HTRA1: variants seen among roughly 807,000 people sequenced by gnomAD.
The protein encoded by HTRA1 is serine protease HTRA1.
In HTRA1, 26 loss-of-function variants were observed where a neutral mutation model predicts 49.7. That is an observed-to-expected ratio of 0.52 (90% CI 0.38 to 0.73). The LOEUF is 0.73. Ranked by LOEUF, HTRA1 falls within the 30% of genes least tolerant of loss-of-function variation. The probability of loss-of-function intolerance (pLI) is 0.00; values close to 1 mark genes in which losing one functional copy is unlikely to be tolerated. For synonymous variants in HTRA1, 291 were observed against 286.9 expected (o/e 1.01, Z -0.14); for missense variants, 561 against 667.2 (o/e 0.84, Z 1.75).
At position 122,494,535 on chromosome 10, in the gene HTRA1, T is replaced by C. The variant is rs962425490; in HGVS notation, c.777+4909T>C. On this transcript the variant is annotated intron_variant, in intron 3 of 8. Transcript: ENST00000368984. The surrounding 1 kb of genome is among the most constrained non-coding windows in gnomAD (Gnocchi z 4.0). ...GTAACGGAAAGCGCTGGTGAAACAG[T>C]GAGCTTTCCCGTGGGTGCTTTTCCC... 6.6e-6 allele frequency among the ~76,000 whole-genome samples: 1 copy of C among 152,194 alleles called. No homozygotes were observed. The highest frequency in any genetic ancestry group is 1.5e-5 in the Non-Finnish European group (1 of 68,040).
At chr10:122,462,269 G>T (rs534699507) in intron 1 of HTRA1, 145 bp downstream of exon 1, 3 of 749,452 alleles carry the variant, frequency 4.0e-6, no homozygotes, top group African/African-American at 1.8e-5. Flanking sequence ...GTGGGCCCCG[G>T]GGTGGCGGAT....
chr10:122,477,180 GA>G (rs1159279849), intron 1 of HTRA1, among the ~76,000 whole-genome samples: 1 of 151,934 alleles, frequency 6.6e-6, no homozygotes, highest in Admixed American at 6.6e-5. Context: ...TGTTAGCCAG[GA>G]CGGTCTCGAT....
intron 6 of HTRA1, among the ~76,000 whole-genome samples, chr10:122,509,174 G>T (rs1034777085): frequency 2.0e-5 from 3 of 152,190 alleles, no homozygotes; most frequent in African/African-American, 7.2e-5. Flanking sequence ...GTCAAGCAGG[G>T]AGCTTGGCAG....
At position 122,512,675 on chromosome 10, in the gene HTRA1, G is replaced by A. The variant is rs72834497; in HGVS notation, c.1274+610G>A. ...TATATGGAGCTGTGGGCTAAGAATA[G>A]TTTTTGCATTTTATTTTTATTTTTA... On this transcript the variant is annotated intron_variant, in intron 8 of 8. Coordinates refer to ENST00000368984, the MANE Select transcript of HTRA1 (RefSeq NM_002775.5). Among the ~76,000 whole-genome samples the A allele has an allele frequency of 3.9e-5, 6 of 152,274 alleles. No homozygotes were observed. In the South Asian group the frequency reaches 1.2e-3, roughly 32 times the overall value.
intron 3 of HTRA1, among the ~76,000 whole-genome samples, chr10:122,505,644 T>C (rs1444523632): frequency 6.6e-5 from 10 of 152,176 alleles, no homozygotes. Flanking sequence ...CCCACCCCAC[T>C]GGTCCCCTGG....
chr10:122,507,266 GC>G, intron 4 of HTRA1, 103 bp from the exon 5 acceptor site: 2 of 888,382 alleles, frequency 2.3e-6, no homozygotes, highest in East Asian at 2.4e-5. Context: ...GAAGAATCGT[GC>G]CCCCCACTCT....
In HTRA1 at chr10:122,490,808, G is replaced by A. The variant is rs536653049; in HGVS notation, c.777+1182G>A. On this transcript the variant is annotated intron_variant, in intron 3 of 8. Transcript: ENST00000368984. This position sits in a 1 kb window ranked among gnomAD's most constrained non-coding sequence, Gnocchi z 4.2. ...TGTGCTGTTTGGGTGGTAGGATTCC[G>A]GGTCTCCTTCTCCGTCTTTTTATAA... is the stretch of plus-strand genomic sequence containing the variant. Among the ~76,000 whole-genome samples, 6 of 152,280 alleles carry A rather than the reference G, an allele frequency of 3.9e-5. No homozygotes were observed. The South Asian group carries it at 1.2e-3, about 32-fold the overall frequency.
At chr10:122,499,900 C>A (rs1248224000) in intron 3 of HTRA1, among the ~76,000 whole-genome samples, 3 of 152,192 alleles carry the variant, frequency 2.0e-5, no homozygotes, top group Non-Finnish European at 4.4e-5. Context: ...GAAGTCCCAG[C>A]CTCCAGAAAT....
chr10:122,493,432 T>C (rs1455756233), intron 3 of HTRA1, among the ~76,000 whole-genome samples: 1 of 152,220 alleles, frequency 6.6e-6, no homozygotes, highest in Non-Finnish European at 1.5e-5. Flanking sequence ...CAAATGCGTT[T>C]AACATGAGCC....
intron 8 of HTRA1, 117 bp downstream of exon 8, chr10:122,512,182 G>C: frequency 4.9e-6 from 4 of 808,270 alleles, no homozygotes; most frequent in Non-Finnish European, 8.5e-6. Flanking sequence ...ATCCTTGACA[G>C]ACGTGGTCGG....
At chr10:122,474,919 G>A (rs1296043272) in intron 1 of HTRA1, among the ~76,000 whole-genome samples, 2 of 152,128 alleles carry the variant, frequency 1.3e-5, no homozygotes, top group Non-Finnish European at 2.9e-5. Context: ...TCTGAAAAGT[G>A]ATTTTCAATG....
intron 3 of HTRA1, among the ~76,000 whole-genome samples, chr10:122,492,149 A>G (rs1242906838): frequency 6.6e-6 from 1 of 152,024 alleles, no homozygotes; most frequent in African/African-American, 2.4e-5. Context: ...TCCTTGTCAT[A>G]TGAGACTGTG....
At position 122,487,762 on chromosome 10, in the gene HTRA1, C is replaced by T. The variant is rs189650769; in HGVS notation, c.473-1140C>T. 5.7e-4 allele frequency among the ~76,000 whole-genome samples: 87 copies of T among 152,248 alleles called. 2 individuals are homozygous for T. Among genetic ancestry groups the T allele is most frequent in the Admixed American group, 5.4e-3 (82 of 15,298 alleles). Reference sequence around the variant, plus strand: ...CAGAGCCTGTTGTTTCTAGGATGCACGCCCGTACAGTAGGTTACTGTACTG... The same window carrying T: ...CAGAGCCTGTTGTTTCTAGGATGCATGCCCGTACAGTAGGTTACTGTACTG... On this transcript the variant is annotated intron_variant, in intron 1 of 8. Coordinates refer to ENST00000368984, the MANE Select transcript of HTRA1 (RefSeq NM_002775.5). The surrounding 1 kb of genome is among the most constrained non-coding windows in gnomAD (Gnocchi z 4.8).
intron 1 of HTRA1, among the ~76,000 whole-genome samples, chr10:122,462,689 A>C (rs1336075939): frequency 3.3e-5 from 5 of 152,236 alleles, no homozygotes; most frequent in Admixed American, 1.3e-4. Flanking sequence ...TACCCCGAGC[A>C]GGGAACGGTT....
At position 122,467,069 on chromosome 10, in the gene HTRA1, T is replaced by C. The variant is rs140601738; in HGVS notation, c.472+4945T>C. On this transcript the variant is annotated intron_variant, in intron 1 of 8. Coordinates refer to ENST00000368984, the MANE Select transcript of HTRA1 (RefSeq NM_002775.5). The stretch of plus-strand genomic sequence containing the variant: ...ATGGTGGCGGGCACCATGAGCTAAC[T>C]GTGGTCAGAAGCCTGATGGCCTCCG... Among the ~76,000 whole-genome samples, 257 of 152,338 alleles carry C rather than the reference T, an allele frequency of 1.7e-3. 2 individuals are homozygous for C. Among genetic ancestry groups the C allele is most frequent in the African/African-American group, 6.0e-3 (249 of 41,582 alleles).
intron 8 of HTRA1, among the ~76,000 whole-genome samples, chr10:122,513,935 C>T (rs1427144438): frequency 2.7e-5 from 4 of 148,060 alleles, no homozygotes; most frequent in Non-Finnish European, 5.9e-5. Flanking sequence ...GACGGGGCTT[C>T]ACCATGTTGG....
In HTRA1 at chr10:122,464,768, C is replaced by T. The variant is rs2097483143; in HGVS notation, c.472+2644C>T. On this transcript the variant is annotated intron_variant, in intron 1 of 8. Coordinates refer to ENST00000368984, the MANE Select transcript of HTRA1 (RefSeq NM_002775.5). The surrounding 1 kb of genome is among the most constrained non-coding windows in gnomAD (Gnocchi z 4.8). ...CAACAGCTGGTGCCCACGGGCAGGT[C>T]ACTTGACGTCACTGTTAAATGAGGT... Among the ~76,000 whole-genome samples, 1 of 152,194 alleles carries T rather than the reference C, an allele frequency of 6.6e-6. No homozygotes were observed. Among genetic ancestry groups the T allele is most frequent in the Non-Finnish European group, 1.5e-5 (1 of 68,048 alleles).
chr10:122,506,754 G>T lies in HTRA1; in HGVS notation c.841G>T (p.Ala281Ser), dbSNP rs774542219. 5 of 1,613,702 alleles carry T rather than the reference G, an allele frequency of 3.1e-6. No individual in the cohort carries two copies. Among genetic ancestry groups the T allele is most frequent in the Non-Finnish European group, 3.4e-6 (4 of 1,180,024 alleles). ...SELRPGEFVV[A>S]IGSPFSLQNT... ...GCTGCGGCCGGGAGAGTTCGTGGTCGCCATCGGAAGCCCGTTTTCCCTTCA... is the reference window on the plus strand; with the variant it reads ...GCTGCGGCCGGGAGAGTTCGTGGTCTCCATCGGAAGCCCGTTTTCCCTTCA... Residue 281 changes from alanine to serine, a missense_variant, in exon 4 of 9, where the codon GCC becomes TCC. Transcript: ENST00000368984. The surrounding 1 kb of genome is among the most constrained non-coding windows in gnomAD (Gnocchi z 5.2).
intron 1 of HTRA1, among the ~76,000 whole-genome samples, chr10:122,469,061 T>C (rs1244973526): frequency 1.3e-5 from 2 of 152,152 alleles, no homozygotes; most frequent in Admixed American, 6.5e-5. Context: ...CACACAAAAG[T>C]CTCCGAGGGC....
Sources: gnomAD v4.1 joint callset for allele counts (sites outside exome capture counted in the v4.1 genomes callset) on GRCh38, gnomAD v4.1.1 for gene constraint, Gnocchi (gnomAD v3.1) non-coding constraint, MANE v1.5 for transcripts, NCBI Gene and HGNC (gene_info 2026-07-23, HGNC 2026-07-21) for gene names.